FCRLB: variants seen among roughly 807,000 people sequenced by gnomAD.
FCRLB encodes Fc receptor like B.
In FCRLB, 34 loss-of-function variants were observed where a neutral mutation model predicts 33.6. The ratio of observed to expected loss-of-function variants is 1.01; its 90% CI spans 0.77 to 1.35. The LOEUF (loss-of-function observed/expected upper bound fraction) is 1.35. Ranked by LOEUF, FCRLB falls within the 40% of genes most tolerant of loss-of-function variation. The pLI, the probability that FCRLB is intolerant of heterozygous loss-of-function variation, is 0.00. For synonymous variants in FCRLB, 280 were observed against 255.9 expected (o/e 1.09, Z -0.90); for missense variants, 560 against 580.2 (o/e 0.97, Z 0.36).
rs905328565 is a variant in FCRLB at position 161,726,368 on chromosome 1, G to A, written c.574+281G>A. ...TCTGGCAGGGGCAGGGGCCACTGTG[G>A]GACTGGGACGAAGGAGCGACTCCCT... On this transcript the variant is annotated intron_variant, in intron 6 of 7. Transcript: ENST00000367948. The surrounding 1 kb of genome is among the most constrained non-coding windows in gnomAD (Gnocchi z 5.2). The A allele has an allele frequency of 4.1e-6, 3 of 729,918 alleles. No homozygotes were observed. Among genetic ancestry groups the A allele is most frequent in the Non-Finnish European group, 7.3e-6 (3 of 412,454 alleles). The allele number at this position is 729,918 out of a possible 1,614,324, so 45.2% of individuals were successfully genotyped here.
chr1:161,722,777 G>A (rs1041305111), intron 3 of FCRLB, 74 bp downstream of exon 3: 25 of 1,577,914 alleles, frequency 1.6e-5, no homozygotes, highest in African/African-American at 2.7e-5. Flanking sequence ...GGGGAGAGGA[G>A]GGTGGGTATC....
At chr1:161,723,771 C>A in intron 5 of FCRLB, 150 bp downstream of exon 5, 1 of 1,208,182 alleles carries the variant, frequency 8.3e-7, no homozygotes, top group Admixed American at 2.7e-5. Context: ...CAGGTAGGGA[C>A]CTGCACGGCA....
intron 2 of FCRLB, 139 bp from the exon 3 acceptor site, chr1:161,722,514 T>C (rs1051708664): frequency 2.6e-6 from 2 of 775,634 alleles, no homozygotes; most frequent in Non-Finnish European, 4.3e-6. Flanking sequence ...TGTCTCCCAC[T>C]GGTTCTGGTC....
exon 6 of FCRLB, chr1:161,725,967 A>G: frequency 1.2e-6 from 2 of 1,614,256 alleles, no homozygotes; most frequent in South Asian, 2.2e-5. Context: ...CTCCAGCGCC[A>G]ACTACACTGT....
chr1:161,727,645 A>T (rs371501758), exon 8 of FCRLB: 2 of 1,607,400 alleles, frequency 1.2e-6, no homozygotes, highest in African/African-American at 2.7e-5. Context: ...CCCAGAGACC[A>T]CTCCTGTGGA....
In FCRLB at chr1:161,722,522, G is replaced by A. The variant is rs1683403816; in HGVS notation, c.-20-131G>A. Reference sequence around the variant, plus strand: ...TTCAGCCTGTCTCCCACTGGTTCTGGTCTGCTATCTTCAGGAACTAGGAGT... The same window carrying A: ...TTCAGCCTGTCTCCCACTGGTTCTGATCTGCTATCTTCAGGAACTAGGAGT... On this transcript the variant is annotated intron_variant, in intron 2 of 7. Transcript: ENST00000367948. 3 of 839,612 alleles carry A rather than the reference G, an allele frequency of 3.6e-6. No individual in the cohort carries two copies. In the Admixed American group the frequency reaches 6.1e-5, roughly 17 times the overall value. 52.0% of individuals were successfully genotyped at this position (839,612 alleles called of 1,614,324 possible). A position where few individuals can be genotyped will look rare whatever the true frequency, so the allele number is the denominator to read the frequency against.
Position 161,726,360 on chromosome 1 carries a change from C to A in FCRLB, c.574+273C>A. 1 of 734,778 alleles carries A rather than the reference C, an allele frequency of 1.4e-6. No homozygotes were observed. Among genetic ancestry groups the A allele is most frequent in the South Asian group, 1.5e-5 (1 of 67,436 alleles). 45.5% of individuals were successfully genotyped at this position (734,778 alleles called of 1,614,324 possible). ...AGGGCAGCTCTGGCAGGGGCAGGGG[C>A]CACTGTGGGACTGGGACGAAGGAGC... On this transcript the variant is annotated intron_variant, in intron 6 of 7. Coordinates refer to ENST00000367948, the Ensembl canonical transcript of FCRLB. This position sits in a 1 kb window ranked among gnomAD's most constrained non-coding sequence, Gnocchi z 5.2.
Position 161,726,208 on chromosome 1 carries a change from T to TA in FCRLB, c.574+122dup. On this transcript the variant is annotated intron_variant, in intron 6 of 7. Transcript: ENST00000367948. The surrounding 1 kb of genome is among the most constrained non-coding windows in gnomAD (Gnocchi z 5.2). ...TAGCTGCCACTTGGAGGGTTTCTCTTAGACTATGGACGCTGTCTCCTCTCC... is the reference window on the plus strand; with the variant it reads ...TAGCTGCCACTTGGAGGGTTTCTCTTAAGACTATGGACGCTGTCTCCTCTCC... 6.7e-7 allele frequency: 1 copy of TA among 1,483,558 alleles called. No individual in the cohort carries two copies. Among genetic ancestry groups the TA allele is most frequent in the Non-Finnish European group, 9.3e-7 (1 of 1,079,366 alleles). The allele number at this position is 1,483,558 out of a possible 1,614,324, so 91.9% of individuals were successfully genotyped here.
rs1683624097 is a variant in FCRLB, at chr1:161,727,359, GT to G, written c.980del (p.Leu327TrpfsTer41). ...AGCCCCCGGTGTCCAGATCGGTCCCGTTGGTCACCTCCGTCCGGAACACCAC... is the reference window on the plus strand; with the variant it reads ...AGCCCCCGGTGTCCAGATCGGTCCCGTGGTCACCTCCGTCCGGAACACCAC... On this transcript the variant is annotated frameshift_variant, in exon 8 of 8. Transcript: ENST00000367948. LOFTEE classifies it low-confidence loss of function (END_TRUNC). 4 of 1,613,620 alleles carry G rather than the reference GT, an allele frequency of 2.5e-6. No individual in the cohort carries two copies. In the African/African-American group the frequency reaches 4.0e-5, roughly 16 times the overall value.
At chr1:161,727,703 G>C (rs779884061) in exon 8 of FCRLB, 2 of 1,529,368 alleles carry the variant, frequency 1.3e-6, no homozygotes, top group Admixed American at 4.4e-5. Flanking sequence ...ATTCCTCCTT[G>C]GTCTCCTGCT....
At position 161,727,729 on chromosome 1, in the gene FCRLB, T is replaced by A. The variant is rs571575637; in HGVS notation, c.*67T>A. ...GTCTCCTGCTTCCCCTCACGCGAATTTCTTTCAAAGCCATCTGTTTGCATC... is the reference window on the plus strand; with the variant it reads ...GTCTCCTGCTTCCCCTCACGCGAATATCTTTCAAAGCCATCTGTTTGCATC... On this transcript the variant is annotated 3_prime_UTR_variant, in exon 8 of 8. Transcript: ENST00000367948. 7 of 1,484,144 alleles carry A rather than the reference T, an allele frequency of 4.7e-6. No individual in the cohort carries two copies. In the South Asian group the frequency reaches 8.2e-5, roughly 17 times the overall value. The allele number at this position is 1,484,144 out of a possible 1,614,324, so 91.9% of individuals were successfully genotyped here. A position where few individuals can be genotyped will look rare whatever the true frequency, so the allele number is the denominator to read the frequency against.
intron 5 of FCRLB, 101 bp from the exon 6 acceptor site, chr1:161,725,720 G>A: frequency 4.4e-6 from 6 of 1,355,888 alleles, no homozygotes; most frequent in Non-Finnish European, 6.0e-6. Flanking sequence ...GGGAAGGGAG[G>A]GAGAGGAGTT....
rs1024910327 is a variant in FCRLB at position 161,726,592 on chromosome 1, C to T, written c.575-111C>T. On this transcript the variant is annotated intron_variant, in intron 6 of 7. Transcript: ENST00000367948. This position sits in a 1 kb window ranked among gnomAD's most constrained non-coding sequence, Gnocchi z 5.2. ...CTCCACGTGGACACACGGCCTCCTC[C>T]CCTCCCCCCTTGGTCTGTGGGTCTG... 50 of 1,435,726 alleles carry T rather than the reference C, an allele frequency of 3.5e-5. No individual in the cohort carries two copies. Among genetic ancestry groups the T allele is most frequent in the Non-Finnish European group, 4.7e-5 (50 of 1,056,222 alleles). The allele number at this position is 1,435,726 out of a possible 1,614,324, so 88.9% of individuals were successfully genotyped here.
intron 3 of FCRLB, 36 bp from the exon 4 acceptor site, chr1:161,722,953 C>G: frequency 6.2e-7 from 1 of 1,610,550 alleles, no homozygotes; most frequent in Non-Finnish European, 8.5e-7. Context: ...CCAATATTCT[C>G]CTTCTCCTTC....
chr1:161,722,337 G>A (rs6700900), intron 2 of FCRLB, among the ~76,000 whole-genome samples: 98,417 of 152,106 alleles, frequency 0.65, 33,395 homozygotes, highest in Admixed American at 0.79. Flanking sequence ...TGAAGATGGC[G>A]GGGTCATCTG....
chr1:161,727,166 CACCGCCCTACG>C, intron 7 of FCRLB, 70 bp from the exon 8 acceptor site: 1 of 1,434,742 alleles, frequency 7.0e-7, no homozygotes, highest in Non-Finnish European at 9.2e-7. Context: ...CATCCCCGCC[CACCGCCCTACG>C]CCCCTCCCCC....
intron 3 of FCRLB, 114 bp from the exon 4 acceptor site, chr1:161,722,875 G>A: frequency 2.6e-6 from 4 of 1,523,988 alleles, no homozygotes; most frequent in Non-Finnish European, 3.6e-6. Context: ...ACCAGGGGCA[G>A]AAGAAGAAAA....
At position 161,726,716 on chromosome 1, in the gene FCRLB, G is replaced by T; in HGVS notation, c.588G>T (p.Ala196=). Residue 196 remains alanine (A), a synonymous_variant, in exon 7 of 8, where the codon GCG becomes GCT. Transcript: ENST00000367948. This position sits in a 1 kb window ranked among gnomAD's most constrained non-coding sequence, Gnocchi z 5.2. Reference sequence around the variant, plus strand: ...CCCTCTCCGTAGAGCTGTTCCGGGCGCCGGTGCTGAGGGTGATGGGTCCGC... The same window carrying T: ...CCCTCTCCGTAGAGCTGTTCCGGGCTCCGGTGCTGAGGGTGATGGGTCCGC... 1 of 1,594,450 alleles carries T rather than the reference G, an allele frequency of 6.3e-7. No homozygotes were observed.
exon 8 of FCRLB, chr1:161,727,477 G>T: frequency 6.2e-7 from 1 of 1,614,180 alleles, no homozygotes; most frequent in Non-Finnish European, 8.5e-7. Context: ...ATCGGCTGGA[G>T]CCCTGAAACC....
Sources: allele counts gnomAD v4.1 joint callset (sites outside exome capture counted in the v4.1 genomes callset), GRCh38; gene constraint gnomAD v4.1.1; non-coding constraint Gnocchi (gnomAD v3.1); transcripts MANE v1.5; gene names NCBI Gene and HGNC (gene_info 2026-07-23, HGNC 2026-07-21).